The following SMG6 variants were observed in gnomAD, a reference collection of about 807,000 sequenced individuals.
SMG6 encodes SMG6 nonsense mediated mRNA decay factor, also known as telomerase-binding protein EST1A.
Under a neutral mutation model 142.2 loss-of-function variants are expected in SMG6, and 66 were observed. The observed-to-expected ratio is 0.46, with a 90% CI of 0.38 to 0.57. The LOEUF (loss-of-function observed/expected upper bound fraction) is 0.57, where lower values mean the gene tolerates loss of function less well. SMG6 is among the 20% of genes least tolerant of loss of function. The pLI is 0.00. For synonymous variants in SMG6, 779 were observed against 702.4 expected (o/e 1.11, Z -1.72); for missense variants, 1,793 against 1,832.0 (o/e 0.98, Z 0.39).
rs2075220271 is a variant in SMG6 at position 2,299,434 on chromosome 17, C to T, written c.1319G>A (p.Ser440Asn). Residue 440 changes from serine (S) to asparagine (N), a missense_variant, in exon 2 of 19, where the codon AGT (serine) becomes AAT (asparagine). Ser to Asn is a conservative substitution (Grantham distance 46, BLOSUM62 1). This residue lies in a region of SMG6 where 1,597 missense variants were observed against 1,584.6 expected (regional missense o/e 1.01). Transcript: ENST00000263073. The surrounding 1 kb of genome is among the most constrained non-coding windows in gnomAD (Gnocchi z 4.3). ...LGPRLLFGSG[S>N]KGSRSWGRGG... is the part of the protein sequence containing the mutation. ...ACGGCCCCAACTCCGAGATCCCTTA[C>T]TACCAGATCCAAACAAAAGCCGAGG... 6.2e-7 allele frequency: 1 copy of T among 1,614,012 alleles called. No individual in the cohort carries two copies. The highest frequency in any genetic ancestry group is 8.5e-7 in the Non-Finnish European group (1 of 1,180,042).
At chr17:2,278,865 A>G (rs2074719256) in intron 8 of SMG6, among the ~76,000 whole-genome samples, 1 of 152,196 alleles carries the variant, frequency 6.6e-6, no homozygotes, top group South Asian at 2.1e-4. Flanking sequence ...CCAAACTTCA[A>G]AATATTTATG....
At chr17:2,151,738 C>T (rs185444649) in intron 13 of SMG6, among the ~76,000 whole-genome samples, 1 of 152,332 alleles carries the variant, frequency 6.6e-6, no homozygotes, top group African/African-American at 2.4e-5. Flanking sequence ...TGGGGCAGGA[C>T]ATTTTCCCTA....
rs1222493365 is a variant in SMG6 at position 2,297,368 on chromosome 17, A to C, written c.2041-15T>G. Reference sequence around the variant, plus strand: ...AAGTCACTACCCTATAAAAAGAAAAAAAGAAATGACTGAATCAATCTATTC... The same window carrying C: ...AAGTCACTACCCTATAAAAAGAAAACAAGAAATGACTGAATCAATCTATTC... On this transcript the variant is annotated splice_polypyrimidine_tract_variant and intron_variant, in intron 3 of 18. Transcript: ENST00000263073. 3 of 1,579,102 alleles carry C rather than the reference A, an allele frequency of 1.9e-6. No homozygotes were observed. In the African/African-American group the frequency reaches 4.1e-5, roughly 22 times the overall value.
At chr17:2,293,845 A>G (rs2075092297) in intron 4 of SMG6, among the ~76,000 whole-genome samples, 1 of 152,214 alleles carries the variant, frequency 6.6e-6, no homozygotes. Context: ...GCATTACATT[A>G]CCTTCACCTA....
intron 4 of SMG6, among the ~76,000 whole-genome samples, chr17:2,294,052 AAAAG>A (rs1181283362): frequency 6.6e-6 from 1 of 152,218 alleles, no homozygotes; most frequent in Non-Finnish European, 1.5e-5. Flanking sequence ...CACTCCACAC[AAAAG>A]AAATTAACAT....
Position 2,230,328 on chromosome 17 carries a change from AAAAAAAAAG to A in SMG6, c.2869+6155_2869+6163del, listed in dbSNP as rs1372705907. On this transcript the variant is annotated intron_variant, in intron 10 of 18. Transcript: ENST00000263073. The stretch of plus-strand genomic sequence containing the variant: ...GGCAAAAAAAAAAAAAAAAAAAAAA[AAAAAAAAAG>A]GGAAAACCACAAACAATCAAATTGA... 1.2e-3 allele frequency among the ~76,000 whole-genome samples: 146 copies of A among 119,530 alleles called. 13 individuals are homozygous for A. The highest frequency in any genetic ancestry group is 3.4e-3 in the Admixed American group (39 of 11,578). The allele number at this position is 119,530 out of a possible 152,430, so 78.4% of individuals were successfully genotyped here.
At chr17:2,286,257 A>T (rs1400075927) in intron 6 of SMG6, among the ~76,000 whole-genome samples, 1 of 151,720 alleles carries the variant, frequency 6.6e-6, no homozygotes, top group Non-Finnish European at 1.5e-5. Context: ...TGCAAAAATG[A>T]AAAAGCTGAC....
chr17:2,205,675 C>T (rs2072657071), intron 10 of SMG6, among the ~76,000 whole-genome samples: 1 of 152,126 alleles, frequency 6.6e-6, no homozygotes, highest in South Asian at 2.1e-4. Context: ...ATCAATTCTT[C>T]AGGAAAAACA....
chr17:2,158,604 G>T (rs996743057), intron 13 of SMG6, among the ~76,000 whole-genome samples: 1 of 152,178 alleles, frequency 6.6e-6, no homozygotes, highest in Non-Finnish European at 1.5e-5. Flanking sequence ...AAAAGTGGAA[G>T]TCCCTACTGT....
At chr17:2,196,069 T>C (rs2072314721) in intron 10 of SMG6, among the ~76,000 whole-genome samples, 1 of 152,042 alleles carries the variant, frequency 6.6e-6, no homozygotes, top group South Asian at 2.1e-4. Flanking sequence ...AATATTCAGG[T>C]ATAAGTCTAA....
intron 13 of SMG6, among the ~76,000 whole-genome samples, chr17:2,166,387 T>C (rs1354377898): frequency 7.6e-6 from 1 of 131,046 alleles, no homozygotes; most frequent in Non-Finnish European, 1.6e-5. Context: ...AGCACGCAAA[T>C]AGAGAAACAA....
chr17:2,220,362 G>A (rs774323670), intron 10 of SMG6, among the ~76,000 whole-genome samples: 8 of 152,200 alleles, frequency 5.3e-5, no homozygotes, highest in Admixed American at 4.6e-4. Flanking sequence ...CAAGCTCAGC[G>A]GCTCATGCCT....
At position 2,299,987 on chromosome 17, in the gene SMG6, T is replaced by C. The variant is rs761629610; in HGVS notation, c.766A>G (p.Thr256Ala). 1 of 1,614,106 alleles carries C rather than the reference T, an allele frequency of 6.2e-7. No homozygotes were observed. Among genetic ancestry groups the C allele is most frequent in the South Asian group, 1.1e-5 (1 of 91,086 alleles). The stretch of plus-strand genomic sequence containing the variant: ...CTGCCAGCTGAGCTGGTGCTGCGCG[T>C]GCGGTAGCGATTCCTTCGTTTGTCT... ...RSDKRRNRYR[T>A]RSTSSAGSNN... Residue 256 changes from threonine (T) to alanine (A), a missense_variant, in exon 2 of 19, where the codon ACG (threonine) becomes GCG (alanine). By Grantham distance (58) the Thr-to-Ala change is moderately conservative. Transcript: ENST00000263073. The surrounding 1 kb of genome is among the most constrained non-coding windows in gnomAD (Gnocchi z 4.3).
intron 15 of SMG6, among the ~76,000 whole-genome samples, chr17:2,081,380 A>T (rs1027896758): frequency 6.6e-6 from 1 of 152,024 alleles, no homozygotes; most frequent in African/African-American, 2.4e-5. Context: ...CTTCCATTTC[A>T]TTGGGAATCC....
chr17:2,277,350 T>C (rs996203472), intron 8 of SMG6, among the ~76,000 whole-genome samples: 1 of 151,694 alleles, frequency 6.6e-6, no homozygotes, highest in Admixed American at 6.6e-5. Flanking sequence ...GTATTTTTAG[T>C]AGAGACGAGG....
At chr17:2,076,536 A>G (rs1363716507) in intron 15 of SMG6, among the ~76,000 whole-genome samples, 1 of 152,152 alleles carries the variant, frequency 6.6e-6, no homozygotes, top group Non-Finnish European at 1.5e-5. Context: ...GAGGGCACAC[A>G]TGTGTGTGCT....
At position 2,201,984 on chromosome 17, in the gene SMG6, G is replaced by A. The variant is rs142065254; in HGVS notation, c.2870-13469C>T. ...GGTTGTAGTGAGCTGAGATCATGCC[G>A]CTGCACTCCAGCTGGGGCAAGAGAG... On this transcript the variant is annotated intron_variant, in intron 10 of 18. Transcript: ENST00000263073. 6.1e-3 allele frequency among the ~76,000 whole-genome samples: 930 copies of A among 151,978 alleles called. 5 individuals carry two copies. The highest frequency in any genetic ancestry group is 0.01 in the Non-Finnish European group (697 of 67,966).
chr17:2,206,187 C>T (rs963725159), intron 10 of SMG6, among the ~76,000 whole-genome samples: 1 of 151,992 alleles, frequency 6.6e-6, no homozygotes, highest in African/African-American at 2.4e-5. Flanking sequence ...CTAAAGTTAT[C>T]TATATGGTGA....
At position 2,081,928 on chromosome 17, in the gene SMG6, T is replaced by C; in HGVS notation, c.3563A>G (p.Glu1188Gly). The C allele has an allele frequency of 1.2e-6, 2 of 1,614,166 alleles. No homozygotes were observed. The highest frequency in any genetic ancestry group is 2.2e-5 in the South Asian group (2 of 91,086). The change falls in exon 15 of 19, where the codon GAG becomes GGG. Residue 1188 changes from glutamate to glycine, a missense_variant. Physicochemically the swap from Glu to Gly is moderately conservative, Grantham distance 98 (BLOSUM62 -2). Around this residue, in one of 3 missense-constraint regions of SMG6, gnomAD observed 1,597 missense variants for 1,584.6 expected, o/e 1.01. Transcript: ENST00000263073. ...EEEDVVIEDF[E>G]EDSEAEGSGG... ...GCTGCCTTCAGCCTCTGAATCTTCC[T>C]CAAAGTCTTCAATCACCACATCCTC...
Sources: allele counts gnomAD v4.1 joint callset (sites outside exome capture counted in the v4.1 genomes callset), GRCh38; gene constraint gnomAD v4.1.1; regional missense constraint gnomAD v4.1.1; non-coding constraint Gnocchi (gnomAD v3.1); transcripts MANE v1.5; gene names NCBI Gene and HGNC (gene_info 2026-07-23, HGNC 2026-07-21).